COLEC10: variants seen among roughly 807,000 people sequenced by gnomAD.
The protein encoded by COLEC10 is collectin-10.
In COLEC10, 22 loss-of-function variants were observed where a neutral mutation model predicts 28.4. The ratio of observed to expected loss-of-function variants is 0.78; its 90% confidence interval spans 0.55 to 1.11. The LOEUF is 1.11. Among genes scored for constraint, COLEC10 ranks in the 50% least tolerant of loss-of-function variants. The pLI is 0.00. For missense variants in COLEC10, 361 were observed against 344.1 expected (o/e 1.05, Z -0.39); for synonymous variants, 125 against 116.1 (o/e 1.08, Z -0.49).
At chr8:119,051,262 G>A (rs1475565567) in intron 2 of COLEC10, among the ~76,000 whole-genome samples, 1 of 152,124 alleles carries the variant, frequency 6.6e-6, no homozygotes, top group African/African-American at 2.4e-5. Context: ...TGTTTCATGT[G>A]ATATTTGGAT....
At chr8:119,076,931 C>T (rs1230766160) in intron 1 of COLEC10, among the ~76,000 whole-genome samples, 2 of 152,124 alleles carry the variant, frequency 1.3e-5, no homozygotes, top group Admixed American at 1.3e-4. Flanking sequence ...AGTGAAAGCT[C>T]CCAAAGAAAT....
chr8:118,977,517 G>A, the COLEC10 span, among the ~76,000 whole-genome samples: 6,423 of 141,622 alleles, frequency 0.045, 197 homozygotes, highest in East Asian at 0.15. Context: ...ACCAAACACC[G>A]CATATTCTCA....
intron 1 of COLEC10, 98 bp from the exon 2 acceptor site, chr8:119,089,582 T>A: frequency 1.1e-6 from 1 of 911,018 alleles, no homozygotes; most frequent in Non-Finnish European, 1.8e-6. Context: ...AGCGCTGAGC[T>A]GAGGGAAAGA....
At chr8:118,966,075 A>G in the COLEC10 span, among the ~76,000 whole-genome samples, 2 of 152,114 alleles carry the variant, frequency 1.3e-5, no homozygotes, top group Non-Finnish European at 1.5e-5. Context: ...TCTAAGTTAA[A>G]TGGAAAAAGA....
intron 2 of COLEC10, among the ~76,000 whole-genome samples, chr8:119,059,019 G>A (rs1393462158): frequency 1.3e-5 from 2 of 151,898 alleles, no homozygotes; most frequent in East Asian, 1.9e-4. Flanking sequence ...GCACCTTTTT[G>A]TGTATGCATT....
At chr8:119,033,827 G>A (rs531931923) in intron 2 of COLEC10, among the ~76,000 whole-genome samples, 1 of 152,332 alleles carries the variant, frequency 6.6e-6, no homozygotes, top group East Asian at 1.9e-4. Context: ...GTGGAAGACA[G>A]TGTGGCATTT....
chr8:119,053,861 G>A (rs535124539), intron 2 of COLEC10, among the ~76,000 whole-genome samples: 2 of 151,956 alleles, frequency 1.3e-5, no homozygotes, highest in African/African-American at 4.8e-5. Context: ...TTGAAACCGT[G>A]GATAGTATTG....
At chr8:118,984,639 T>C in the COLEC10 span, among the ~76,000 whole-genome samples, 5 of 152,190 alleles carry the variant, frequency 3.3e-5, no homozygotes, top group East Asian at 1.9e-4. Flanking sequence ...CGTGTGATGA[T>C]AGAGGCAGAG....
At chr8:118,968,268 C>T in the COLEC10 span, among the ~76,000 whole-genome samples, 7 of 151,586 alleles carry the variant, frequency 4.6e-5, no homozygotes, top group Admixed American at 4.6e-4. Context: ...TTTCTTTAGA[C>T]AGTGTTTTCT....
At chr8:119,070,567 T>C (rs1390881469) in intron 1 of COLEC10, among the ~76,000 whole-genome samples, 8 of 44,502 alleles carry the variant, frequency 1.8e-4, no homozygotes, top group African/African-American at 6.7e-4. Context: ...TCTCTCTCTC[T>C]CCCCCCACCC....
the COLEC10 span, among the ~76,000 whole-genome samples, chr8:118,966,790 T>C: frequency 6.6e-6 from 1 of 152,172 alleles, no homozygotes; most frequent in East Asian, 1.9e-4. Context: ...TCTTTCTTCT[T>C]ATTGAATGCC....
intron 2 of COLEC10, among the ~76,000 whole-genome samples, chr8:119,052,021 T>C (rs899467507): frequency 2.0e-5 from 3 of 152,172 alleles, no homozygotes; most frequent in African/African-American, 4.8e-5. Context: ...ATAGCCAAGA[T>C]AGTAAAATGA....
intron 1 of COLEC10, among the ~76,000 whole-genome samples, chr8:119,069,797 A>C (rs1815066491): frequency 6.6e-6 from 1 of 151,378 alleles, no homozygotes; most frequent in South Asian, 2.1e-4. Flanking sequence ...AAGTGTTTTA[A>C]AGGTCTGCGT....
intron 1 of COLEC10, among the ~76,000 whole-genome samples, chr8:119,079,694 CT>C (rs1292366149): frequency 7.9e-6 from 1 of 127,164 alleles, no homozygotes; most frequent in African/African-American, 3.0e-5. Flanking sequence ...GCCAAATAAG[CT>C]TGAAAACGAC....
intron 2 of COLEC10, among the ~76,000 whole-genome samples, chr8:119,056,906 T>C (rs1013705761): frequency 5.9e-5 from 9 of 152,066 alleles, no homozygotes; most frequent in Non-Finnish European, 1.3e-4. Context: ...CCAACCTCTA[T>C]GCTCAATCAA....
intron 1 of COLEC10, among the ~76,000 whole-genome samples, chr8:119,076,660 T>C (rs60256050): frequency 1.3e-5 from 2 of 152,238 alleles, no homozygotes; most frequent in African/African-American, 4.8e-5. Context: ...CAGGGATAAG[T>C]GTATGTGCAA....
the COLEC10 span, among the ~76,000 whole-genome samples, chr8:118,965,202 T>C: frequency 1.3e-5 from 2 of 151,758 alleles, no homozygotes; most frequent in East Asian, 1.9e-4. Context: ...GGAAATTCTC[T>C]GTATTATAAG....
At chr8:119,022,648 G>A (rs1185768462) in intron 2 of COLEC10, among the ~76,000 whole-genome samples, 6 of 151,868 alleles carry the variant, frequency 4.0e-5, no homozygotes, top group African/African-American at 1.5e-4. Context: ...TACCACTGTT[G>A]TATGAAGGGC....
chr8:118,955,540 T>C, the COLEC10 span, among the ~76,000 whole-genome samples: 1 of 152,188 alleles, frequency 6.6e-6, no homozygotes, highest in East Asian at 1.9e-4. Flanking sequence ...TCTTTGAAAA[T>C]TGGCCTTAAT....
Sources: allele counts gnomAD v4.1 joint callset (sites outside exome capture counted in the v4.1 genomes callset), GRCh38; gene constraint gnomAD v4.1.1; transcripts MANE v1.5; gene names NCBI Gene and HGNC (gene_info 2026-07-23, HGNC 2026-07-21).